Variants in ZNF326 observed in about 807,000 individuals in gnomAD.
ZNF326 encodes the protein DBIRD complex subunit ZNF326.
Under a neutral mutation model 63.1 loss-of-function variants are expected in ZNF326, and 30 were observed. That is an observed-to-expected ratio of 0.48 (90% CI 0.36 to 0.64). The LOEUF (loss-of-function observed/expected upper bound fraction) is 0.64, where lower values mean the gene tolerates loss of function less well. Among genes scored for constraint, ZNF326 ranks in the 30% least tolerant of loss-of-function variants. The probability of loss-of-function intolerance (pLI) is 0.00; values close to 1 mark genes in which losing one functional copy is unlikely to be tolerated. For missense variants in ZNF326, 609 were observed against 720.3 expected (o/e 0.85, Z 1.77); for synonymous variants, 194 against 228.2 (o/e 0.85, Z 1.35).
chr1:90,008,464 TA>T (rs1649091687), intron 5 of ZNF326, among the ~76,000 whole-genome samples: 1 of 152,202 alleles, frequency 6.6e-6, no homozygotes, highest in Admixed American at 6.5e-5. Flanking sequence ...AATTATTGCT[TA>T]AATGAGTAAA....
At position 90,007,588 on chromosome 1, in the gene ZNF326, A is replaced by G. The variant is rs1185560778; in HGVS notation, c.453A>G (p.Arg151=). The change falls in exon 5 of 12, where the codon AGA becomes AGG. Residue 151 remains arginine (R), a synonymous_variant. Coordinates refer to ENST00000340281, the MANE Select transcript of ZNF326 (RefSeq NM_182976.4). This position sits in a 1 kb window ranked among gnomAD's most constrained non-coding sequence, Gnocchi z 4.9. ...CTGGGTTTATGGAGGACAGAGGAAGAGAGAATTACTCTTCCTACAGCAGTT... is the reference window on the plus strand; with the variant it reads ...CTGGGTTTATGGAGGACAGAGGAAGGGAGAATTACTCTTCCTACAGCAGTT... The part of the protein sequence containing the change: ...LRPGFMEDRG[R]ENYSSYSSFS... 4 of 1,611,324 alleles carry G rather than the reference A, an allele frequency of 2.5e-6. No homozygotes were observed. Among genetic ancestry groups the G allele is most frequent in the Non-Finnish European group, 2.5e-6 (3 of 1,178,610 alleles).
Position 90,031,848 on chromosome 1 carries a change from C to A in ZNF326, c.*4147C>A, listed in dbSNP as rs372339360. 6.6e-6 allele frequency: 1 copy of A among 152,296 alleles called. No individual in the cohort carries two copies. 9.4% of individuals were successfully genotyped at this position (152,296 alleles called of 1,614,324 possible). The stretch of plus-strand genomic sequence containing the variant: ...GTGCTGGGATTATAGGCATGAGCCA[C>A]CGCGTCTGGCATACAAACTTTTGAT... On this transcript the variant is annotated 3_prime_UTR_variant, in exon 12 of 12. Transcript: ENST00000340281.
At chr1:90,017,810 G>T (rs1254315725) in intron 8 of ZNF326, among the ~76,000 whole-genome samples, 1 of 152,164 alleles carries the variant, frequency 6.6e-6, no homozygotes, top group Non-Finnish European at 1.5e-5. Flanking sequence ...TATCATGAAA[G>T]ATTATGCTCA....
intron 9 of ZNF326, among the ~76,000 whole-genome samples, 156 bp from the exon 10 acceptor site, chr1:90,020,636 A>G (rs2101087184): frequency 6.6e-6 from 1 of 152,254 alleles, no homozygotes; most frequent in Middle Eastern, 3.4e-3. Flanking sequence ...ATGTAGATTT[A>G]TGAGATGTGG....
chr1:90,009,463 GA>G (rs1649138049), intron 5 of ZNF326, among the ~76,000 whole-genome samples: 1 of 152,142 alleles, frequency 6.6e-6, no homozygotes, highest in African/African-American at 2.4e-5. Context: ...TTCTGGGTCA[GA>G]AAATGTTTCT....
At chr1:89,996,342 T>C (rs1446617114) in intron 1 of ZNF326, among the ~76,000 whole-genome samples, 1 of 152,212 alleles carries the variant, frequency 6.6e-6, no homozygotes, top group Non-Finnish European at 1.5e-5. Flanking sequence ...AAATGAGGTG[T>C]GATCTCAGCA....
At position 90,035,041 on chromosome 1, in the gene ZNF326, A is replaced by G. The variant is rs1298966921; in HGVS notation, c.*7340A>G. 1 of 152,248 alleles carries G rather than the reference A, an allele frequency of 6.6e-6. No individual in the cohort carries two copies. The highest frequency in any genetic ancestry group is 1.5e-5 in the Non-Finnish European group (1 of 68,032). 9.4% of individuals were successfully genotyped at this position (152,248 alleles called of 1,614,324 possible). ...AGATGCTCGAAAAACATTTCCTAAG[A>G]TTGAACACATTCCAGATTTAAATTT... On this transcript the variant is annotated 3_prime_UTR_variant, in exon 12 of 12. Coordinates refer to ENST00000340281, the MANE Select transcript of ZNF326 (RefSeq NM_182976.4).
At position 90,028,741 on chromosome 1, in the gene ZNF326, A is replaced by G. The variant is rs1322280064; in HGVS notation, c.*1040A>G. 4 of 152,018 alleles carry G rather than the reference A, an allele frequency of 2.6e-5. No individual in the cohort carries two copies. The highest frequency in any genetic ancestry group is 5.9e-5 in the Non-Finnish European group (4 of 68,016). 9.4% of individuals were successfully genotyped at this position (152,018 alleles called of 1,614,324 possible). ...TTCTTAAATAATTTATTTTCAAACAACCGTCTATGTCACTAAAAAGTAGTG... is the reference window on the plus strand; with the variant it reads ...TTCTTAAATAATTTATTTTCAAACAGCCGTCTATGTCACTAAAAAGTAGTG... On this transcript the variant is annotated 3_prime_UTR_variant, in exon 12 of 12. Coordinates refer to ENST00000340281, the MANE Select transcript of ZNF326 (RefSeq NM_182976.4).
chr1:90,020,809 C>T lies in ZNF326; in HGVS notation c.1192C>T (p.His398Tyr), dbSNP rs550259481. 2.5e-6 allele frequency: 4 copies of T among 1,610,600 alleles called. No individual in the cohort carries two copies. The South Asian group carries it at 3.3e-5, about 13-fold the overall frequency. ...TTTTGTAGGTGTTACTGTAGATGAT[C>T]ACATGATGAAGGTAGAGACAGTTCA... ...DVMEGVTVDD[H>Y]MMKVETVHCS... The change falls in exon 10 of 12, where the codon CAC (histidine) becomes TAC (tyrosine). Residue 398 changes from histidine (H) to tyrosine (Y), a missense_variant. Transcript: ENST00000340281.
At chr1:89,995,382 C>G in intron 1 of ZNF326, 109 bp downstream of exon 1, 2 of 1,361,288 alleles carry the variant, frequency 1.5e-6, no homozygotes. Context: ...TTCTGCGGGC[C>G]CGGAGGCCGC....
intron 2 of ZNF326, among the ~76,000 whole-genome samples, chr1:90,003,974 GTATT>G (rs1557517320): frequency 6.6e-6 from 1 of 152,026 alleles, no homozygotes; most frequent in Non-Finnish European, 1.5e-5. Flanking sequence ...GTGTACTATT[GTATT>G]TATTTGTGTA....
intron 6 of ZNF326, 80 bp downstream of exon 6, chr1:90,010,366 T>A (rs1347402597): frequency 7.1e-7 from 1 of 1,404,368 alleles, no homozygotes; most frequent in East Asian, 2.4e-5. Flanking sequence ...AATTTTTTCA[T>A]GTTTATATAC....
rs1360504700 is a variant in ZNF326, at chr1:90,029,364, G to A, written c.*1663G>A. 6.6e-6 allele frequency: 1 copy of A among 151,800 alleles called. No homozygotes were observed. Among genetic ancestry groups the A allele is most frequent in the Non-Finnish European group, 1.5e-5 (1 of 67,954 alleles). 9.4% of individuals were successfully genotyped at this position (151,800 alleles called of 1,614,324 possible). A position where few individuals can be genotyped will look rare whatever the true frequency, so the allele number is the denominator to read the frequency against. Reference sequence around the variant, plus strand: ...GATAGATACTTGCATCTAATTTTAGGGATTTGGTGCCAAATAAGAGAAGGG... The same window carrying A: ...GATAGATACTTGCATCTAATTTTAGAGATTTGGTGCCAAATAAGAGAAGGG... On this transcript the variant is annotated 3_prime_UTR_variant, in exon 12 of 12. Transcript: ENST00000340281.
chr1:90,020,886 G>T lies in ZNF326; in HGVS notation c.1269G>T (p.Gln423His). The T allele has an allele frequency of 1.9e-6, 3 of 1,613,084 alleles. No individual in the cohort carries two copies. The highest frequency in any genetic ancestry group is 2.5e-6 in the Non-Finnish European group (3 of 1,179,358). ...CTGCTTTACATAGTTCAGTTCAGCAGCACTTAAAATCTCCTGATCATATCA... is the reference window on the plus strand; with the variant it reads ...CTGCTTTACATAGTTCAGTTCAGCATCACTTAAAATCTCCTGATCATATCA... ...YIPALHSSVQ[Q>H]HLKSPDHIKG... Residue 423 changes from glutamine to histidine, a missense_variant, in exon 10 of 12, where the codon CAG (glutamine) becomes CAT (histidine). By Grantham distance (24) the Gln-to-His change is conservative (BLOSUM62 0). Coordinates refer to ENST00000340281, the MANE Select transcript of ZNF326 (RefSeq NM_182976.4).
In ZNF326 at chr1:90,031,178, G is replaced by GAAA. The variant is rs2101108357; in HGVS notation, c.*3477_*3478insAAA. On this transcript the variant is annotated 3_prime_UTR_variant, in exon 12 of 12. Transcript: ENST00000340281. ...AAGCACTGGAATCTATAACAGACCT[G>GAAA]TGGGAGTCAGAAAATGGGGACTTTT... The GAAA allele has an allele frequency of 6.6e-6, 1 of 152,334 alleles. No individual in the cohort carries two copies. The highest frequency in any genetic ancestry group is 1.5e-5 in the Non-Finnish European group (1 of 68,036). 9.4% of individuals were successfully genotyped at this position (152,334 alleles called of 1,614,324 possible). A position where few individuals can be genotyped will look rare whatever the true frequency, so the allele number is the denominator to read the frequency against.
At position 90,034,078 on chromosome 1, in the gene ZNF326, T is replaced by C. The variant is rs1436127834; in HGVS notation, c.*6377T>C. Reference sequence around the variant, plus strand: ...CCAAGCTTAGAAAAATCTCAAAATGTCTAAAGAGAAACAGTGTACCTATAA... The same window carrying C: ...CCAAGCTTAGAAAAATCTCAAAATGCCTAAAGAGAAACAGTGTACCTATAA... On this transcript the variant is annotated 3_prime_UTR_variant, in exon 12 of 12. Transcript: ENST00000340281. 6.6e-6 allele frequency: 1 copy of C among 152,068 alleles called. No homozygotes were observed. Among genetic ancestry groups the C allele is most frequent in the Non-Finnish European group, 1.5e-5 (1 of 67,976 alleles). The allele number at this position is 152,068 out of a possible 1,614,324, so 9.4% of individuals were successfully genotyped here. A position where few individuals can be genotyped will look rare whatever the true frequency, so the allele number is the denominator to read the frequency against.
At chr1:90,019,843 T>G (rs1347186283) in intron 9 of ZNF326, among the ~76,000 whole-genome samples, 1 of 152,068 alleles carries the variant, frequency 6.6e-6, no homozygotes, top group Non-Finnish European at 1.5e-5. Flanking sequence ...ATATCCTACC[T>G]TACAAAGAAA....
intron 1 of ZNF326, 141 bp downstream of exon 1, chr1:89,995,414 C>A: frequency 8.4e-7 from 1 of 1,190,050 alleles, no homozygotes; most frequent in Non-Finnish European, 1.1e-6. Context: ...GGGCCCAGCG[C>A]CCGGAGTCGG....
rs1360747563 is a variant in ZNF326, at chr1:90,034,863, G to T, written c.*7162G>T. 2 of 151,940 alleles carry T rather than the reference G, an allele frequency of 1.3e-5. No individual in the cohort carries two copies. The highest frequency in any genetic ancestry group is 4.8e-5 in the African/African-American group (2 of 41,344). 9.4% of individuals were successfully genotyped at this position (151,940 alleles called of 1,614,324 possible). On this transcript the variant is annotated 3_prime_UTR_variant, in exon 12 of 12. Coordinates refer to ENST00000340281, the MANE Select transcript of ZNF326 (RefSeq NM_182976.4). ...GAACAAATGTAATTTGTTGAAACTG[G>T]TCATGTTGAAAAAACATGACCAATT...
Sources: gnomAD v4.1 joint callset for allele counts (sites outside exome capture counted in the v4.1 genomes callset) on GRCh38, gnomAD v4.1.1 for gene constraint, Gnocchi (gnomAD v3.1) non-coding constraint, MANE v1.5 for transcripts, NCBI Gene and HGNC (gene_info 2026-07-23, HGNC 2026-07-21) for gene names.